BLK: variants seen among roughly 807,000 people sequenced by gnomAD.
BLK encodes the protein BLK proto-oncogene, Src family tyrosine kinase, also known as tyrosine-protein kinase Blk.
BLK carries 64 observed loss-of-function variants against 61.8 expected under a neutral mutation model. That is an observed-to-expected ratio of 1.03 (90% CI 0.85 to 1.27). The LOEUF (loss-of-function observed/expected upper bound fraction) is 1.27. BLK is among the 50% of genes most tolerant of loss of function. The probability of loss-of-function intolerance (pLI) is 0.00; values close to 1 mark genes in which losing one functional copy is unlikely to be tolerated. For missense variants in BLK, 853 were observed against 660.5 expected (o/e 1.29, Z -3.19); for synonymous variants, 351 against 272.0 (o/e 1.29, Z -2.86).
At chr8:11,510,238 T>C (rs191903178) in intron 1 of BLK, among the ~76,000 whole-genome samples, 5 of 152,286 alleles carry the variant, frequency 3.3e-5, no homozygotes, top group East Asian at 1.9e-4. Flanking sequence ...AAGCTTTAAA[T>C]TGCGTTTAAA....
chr8:11,498,496 C>T (rs1266019890), intron 1 of BLK, among the ~76,000 whole-genome samples: 2 of 152,194 alleles, frequency 1.3e-5, no homozygotes, highest in African/African-American at 2.4e-5. Context: ...AGGAAGACTA[C>T]TTTAATTTTC....
Position 11,550,381 on chromosome 8 carries a change from G to A in BLK, c.472+119G>A, listed in dbSNP as rs78812151. On this transcript the variant is annotated intron_variant, in intron 6 of 12. Transcript: ENST00000259089. ...ACTGCCAGGAGAACCAGCAGCTTCC[G>A]GGCTTGTGTCCCTCCCAATTCAGGC... 2,105 of 955,102 alleles carry A rather than the reference G, an allele frequency of 2.2e-3. 3 individuals are homozygous for A. The highest frequency in any genetic ancestry group is 3.2e-3 in the Non-Finnish European group (1,951 of 609,860). The allele number at this position is 955,102 out of a possible 1,614,324, so 59.2% of individuals were successfully genotyped here.
intron 1 of BLK, among the ~76,000 whole-genome samples, chr8:11,524,204 T>C (rs1445917910): frequency 2.0e-5 from 3 of 152,236 alleles, no homozygotes; most frequent in Non-Finnish European, 4.4e-5. Context: ...ATATAATTTA[T>C]ACTGTACTGT....
rs773963245 is a variant in BLK, at chr8:11,555,471, C to T, written c.759C>T (p.Gly253=). The T allele has an allele frequency of 3.3e-5, 53 of 1,614,008 alleles. 1 individual carries two copies. The Middle Eastern group carries it at 9.9e-4, about 30-fold the overall frequency. ...GGAAACTCGGGTCTGGACAATTCGGCGAAGTCTGGATGGGTGAGTGTGTGC... is the reference window on the plus strand; with the variant it reads ...GGAAACTCGGGTCTGGACAATTCGGTGAAGTCTGGATGGGTGAGTGTGTGC... The part of the protein sequence containing the change: ...LVRKLGSGQF[G]EVWMGYYKNN... Residue 253 remains glycine, a synonymous_variant, in exon 8 of 13, where the codon GGC becomes GGT. Transcript: ENST00000259089.
chr8:11,562,895 C>CAGCAGG, intron 11 of BLK, 84 bp from the exon 12 acceptor site: 2 of 1,587,786 alleles, frequency 1.3e-6, no homozygotes, highest in Non-Finnish European at 1.7e-6. Flanking sequence ...GATGGAAGGA[C>CAGCAGG]AGCAGGAGCA....
At chr8:11,518,437 G>T (rs762912262) in intron 1 of BLK, among the ~76,000 whole-genome samples, 2 of 152,138 alleles carry the variant, frequency 1.3e-5, no homozygotes, top group African/African-American at 4.8e-5. Flanking sequence ...ATTGGTGGGG[G>T]GCAGAAGATT....
rs190981319 is a variant in BLK at position 11,532,466 on chromosome 8, C to A, written c.-1-10758C>A. ...GCTCAAATGATCCTCCTGCCTTGGC[C>A]TCCTAAAGTGCTGGGATTACAGGCA... On this transcript the variant is annotated intron_variant, in intron 1 of 12. Coordinates refer to ENST00000259089, the MANE Select transcript of BLK (RefSeq NM_001715.3). Among the ~76,000 whole-genome samples the A allele has an allele frequency of 1.9e-4, 29 of 151,882 alleles. No homozygotes were observed. In the East Asian group the frequency reaches 4.8e-3, roughly 25 times the overall value.
chr8:11,497,464 TC>T (rs895188685), intron 1 of BLK, among the ~76,000 whole-genome samples: 1 of 152,056 alleles, frequency 6.6e-6, no homozygotes, highest in African/African-American at 2.4e-5. Flanking sequence ...CATTTGTGTG[TC>T]CCCAGCAACC....
At chr8:11,544,901 C>T (rs914432187) in intron 2 of BLK, among the ~76,000 whole-genome samples, 4 of 152,210 alleles carry the variant, frequency 2.6e-5, no homozygotes, top group African/African-American at 9.7e-5. Flanking sequence ...CTCCCAACTT[C>T]AGACAAGAAA....
At chr8:11,560,553 CATTG>C (rs1397579625) in intron 10 of BLK, 6 of 284,986 alleles carry the variant, frequency 2.1e-5, no homozygotes, top group Non-Finnish European at 3.4e-5. Context: ...TTTCTTCGTC[CATTG>C]ATTGGGTGAA....
chr8:11,555,573 A>C (rs1801169687), intron 8 of BLK, 89 bp downstream of exon 8: 1 of 1,579,146 alleles, frequency 6.3e-7, no homozygotes. Flanking sequence ...ATAGCGTGTC[A>C]TCCCTCCCCC....
rs554473256 is a variant in BLK at position 11,514,383 on chromosome 8, A to C, written c.-2+19792A>C. On this transcript the variant is annotated intron_variant, in intron 1 of 12. Coordinates refer to ENST00000259089, the MANE Select transcript of BLK (RefSeq NM_001715.3). ...CCATCCTAAAGGCAGAAGGACGCTA[A>C]ACAAGGGTGTTTGCGGGCTACAGGC... 2.0e-5 allele frequency among the ~76,000 whole-genome samples: 3 copies of C among 152,362 alleles called. No homozygotes were observed. In the East Asian group the frequency reaches 5.8e-4, roughly 29 times the overall value.
intron 1 of BLK, among the ~76,000 whole-genome samples, chr8:11,497,204 A>T (rs1798391358): frequency 1.3e-5 from 2 of 152,148 alleles, no homozygotes. Context: ...ATCAATCACA[A>T]AACTCTTACA....
chr8:11,560,718 G>A (rs531486516), intron 10 of BLK: 21 of 385,100 alleles, frequency 5.5e-5, no homozygotes, highest in African/African-American at 3.7e-4. Context: ...GTGCCCCCAC[G>A]GGGCAGGCGC....
chr8:11,559,090 G>A (rs572912569), intron 10 of BLK: 7 of 441,100 alleles, frequency 1.6e-5, no homozygotes, highest in East Asian at 1.4e-4. Flanking sequence ...CTCACCCTCC[G>A]CTGTCTCCTA....
In BLK at chr8:11,536,665, G is replaced by A. The variant is rs138523063; in HGVS notation, c.-1-6559G>A. On this transcript the variant is annotated intron_variant, in intron 1 of 12. Transcript: ENST00000259089. ...TCAAATGATCTCCCACCTCAACCTC[G>A]CAAGTGCTGGGATTACAGGCATGAA... is the stretch of plus-strand genomic sequence containing the variant. Among the ~76,000 whole-genome samples, 821 of 152,172 alleles carry A rather than the reference G, an allele frequency of 5.4e-3. 8 individuals carry two copies. Among genetic ancestry groups the A allele is most frequent in the African/African-American group, 0.017 (689 of 41,522 alleles).
chr8:11,560,621 C>G (rs1038626759), intron 10 of BLK: 8 of 342,250 alleles, frequency 2.3e-5, no homozygotes, highest in Non-Finnish European at 4.6e-5. Flanking sequence ...GCTGCTATCC[C>G]TGGCCCAGGC....
chr8:11,543,959 A>G (rs1401651331), intron 2 of BLK, among the ~76,000 whole-genome samples: 4 of 140,240 alleles, frequency 2.9e-5, no homozygotes, highest in Non-Finnish European at 6.1e-5. Context: ...GCATGTCTGA[A>G]GATGCATTTT....
intron 11 of BLK, 105 bp from the exon 12 acceptor site, chr8:11,562,874 A>C (rs1801555137): frequency 1.2e-5 from 19 of 1,530,978 alleles, no homozygotes; most frequent in Non-Finnish European, 1.7e-5. Context: ...GAGGCCCCGC[A>C]GTGGGGGCTT....
Sources: allele counts gnomAD v4.1 joint callset (sites outside exome capture counted in the v4.1 genomes callset), GRCh38; gene constraint gnomAD v4.1.1; transcripts MANE v1.5; gene names NCBI Gene and HGNC (gene_info 2026-07-23, HGNC 2026-07-21).